PCDH9: variants seen among roughly 807,000 people sequenced by gnomAD.
PCDH9 encodes the protein protocadherin 9, also known as protocadherin-9.
A neutral mutation model predicts 70.6 loss-of-function variants in PCDH9; 24 were observed. The ratio of observed to expected loss-of-function variants is 0.34; its 90% CI spans 0.25 to 0.48. The LOEUF (loss-of-function observed/expected upper bound fraction) is 0.48. PCDH9 is among the 20% of genes least tolerant of loss of function. The pLI is 0.99. For missense variants in PCDH9, 1,281 were observed against 1,503.6 expected, an observed-to-expected ratio of 0.85 and a Z score of 2.45; for synonymous variants, 562 against 558.5, an observed-to-expected ratio of 1.01 and a Z score of -0.09.
At chr13:66,820,570 T>G (rs561554156) in intron 3 of PCDH9, among the ~76,000 whole-genome samples, 41 of 152,330 alleles carry the variant, frequency 2.7e-4, no homozygotes, top group African/African-American at 7.2e-4. Flanking sequence ...GCAGCACTAT[T>G]CACAATAGCA....
At chr13:66,312,112 A>T (rs1413938964) in intron 4 of PCDH9, among the ~76,000 whole-genome samples, 1 of 152,212 alleles carries the variant, frequency 6.6e-6, no homozygotes, top group East Asian at 1.9e-4. Context: ...TAGTAGAATG[A>T]TGAATTGGTA....
At chr13:66,575,418 A>G (rs2076800410) in intron 4 of PCDH9, among the ~76,000 whole-genome samples, 1 of 151,986 alleles carries the variant, frequency 6.6e-6, no homozygotes, top group South Asian at 2.1e-4. Context: ...TCCTCCTCAC[A>G]TCTAGTCCCA....
At chr13:67,042,143 T>A (rs185098499) in intron 2 of PCDH9, among the ~76,000 whole-genome samples, 3 of 152,120 alleles carry the variant, frequency 2.0e-5, no homozygotes, top group African/African-American at 2.4e-5. Flanking sequence ...GCATGGGGCT[T>A]GTAGCGTGAA....
chr13:66,971,769 T>A (rs2083526901), intron 2 of PCDH9, among the ~76,000 whole-genome samples: 1 of 151,930 alleles, frequency 6.6e-6, no homozygotes, highest in Non-Finnish European at 1.5e-5. Flanking sequence ...GAAAGTCTTG[T>A]CAAATAATAT....
intron 2 of PCDH9, among the ~76,000 whole-genome samples, chr13:67,059,821 C>G (rs1156430552): frequency 6.6e-6 from 1 of 151,772 alleles, no homozygotes; most frequent in East Asian, 1.9e-4. Context: ...ACTGCCTTAA[C>G]GGCATCCATA....
intron 4 of PCDH9, among the ~76,000 whole-genome samples, chr13:66,589,426 T>A (rs958124869): frequency 6.6e-6 from 1 of 152,152 alleles, no homozygotes; most frequent in African/African-American, 2.4e-5. Context: ...CTGATCATTC[T>A]ATTTTATATG....
At chr13:66,622,280 C>T (rs552355971) in intron 4 of PCDH9, among the ~76,000 whole-genome samples, 2 of 152,310 alleles carry the variant, frequency 1.3e-5, no homozygotes, top group South Asian at 4.1e-4. Flanking sequence ...CGAGTGCAGC[C>T]CCCTGCTCCA....
chr13:67,073,378 A>G (rs17587572), intron 2 of PCDH9, among the ~76,000 whole-genome samples: 15,485 of 152,114 alleles, frequency 0.1, 857 homozygotes, highest in Non-Finnish European at 0.12. Flanking sequence ...AACATTCCAA[A>G]ATTCATCAGA....
intron 3 of PCDH9, among the ~76,000 whole-genome samples, chr13:66,682,426 A>G (rs573184169): frequency 6.6e-6 from 1 of 151,924 alleles, no homozygotes; most frequent in Admixed American, 6.6e-5. Context: ...CTTTTTATTT[A>G]GTGAGAAGGA....
chr13:67,177,768 C>A lies in PCDH9; in HGVS notation c.3036+47637G>T, dbSNP rs530943382. Among the ~76,000 whole-genome samples, 20 of 152,226 alleles carry A rather than the reference C, an allele frequency of 1.3e-4. No individual in the cohort carries two copies. The East Asian group carries it at 2.5e-3, about 19-fold the overall frequency. The stretch of plus-strand genomic sequence containing the variant: ...TGTTTTCAGACAGTAAAACATACTA[C>A]TTTGCTAACACTGGACCTTTCAACT... On this transcript the variant is annotated intron_variant, in intron 2 of 4. Coordinates refer to ENST00000377865, the MANE Select transcript of PCDH9 (RefSeq NM_203487.3).
intron 2 of PCDH9, among the ~76,000 whole-genome samples, chr13:67,069,857 A>C (rs9540988): frequency 0.1 from 15,321 of 152,092 alleles, 841 homozygotes; most frequent in Non-Finnish European, 0.12. Flanking sequence ...TGGGATTGTC[A>C]AATGTTGGGT....
chr13:66,603,123 G>A (rs2077182718), intron 4 of PCDH9, among the ~76,000 whole-genome samples: 1 of 145,578 alleles, frequency 6.9e-6, no homozygotes, highest in Admixed American at 6.9e-5. Flanking sequence ...ACTATACTCT[G>A]GAGCATATTC....
intron 3 of PCDH9, among the ~76,000 whole-genome samples, chr13:66,654,548 G>A (rs1239356679): frequency 1.3e-5 from 2 of 152,082 alleles, no homozygotes; most frequent in East Asian, 3.8e-4. Flanking sequence ...TGATTATTAA[G>A]CATTGTATAC....
chr13:66,502,009 T>A (rs1279406968), intron 4 of PCDH9, among the ~76,000 whole-genome samples: 2 of 152,116 alleles, frequency 1.3e-5, no homozygotes, highest in Admixed American at 1.3e-4. Context: ...GAAGGCTTAG[T>A]TTAACAAAGG....
chr13:66,583,593 GAC>G (rs980664384), intron 4 of PCDH9, among the ~76,000 whole-genome samples: 12 of 151,198 alleles, frequency 7.9e-5, no homozygotes, highest in African/African-American at 2.7e-4. Context: ...CAGTCTGGGT[GAC>G]AGAGTGAGAC....
intron 2 of PCDH9, among the ~76,000 whole-genome samples, chr13:67,129,626 CAT>C (rs35197711): frequency 0.2 from 30,353 of 151,012 alleles, 3,237 homozygotes; most frequent in Middle Eastern, 0.26. Flanking sequence ...TATAAATATA[CAT>C]ATATATATAT....
At chr13:66,375,865 T>C (rs1956737227) in intron 4 of PCDH9, among the ~76,000 whole-genome samples, 1 of 151,932 alleles carries the variant, frequency 6.6e-6, no homozygotes, top group South Asian at 2.1e-4. Context: ...TCCATTAGGG[T>C]CAAAGTGCTT....
In PCDH9 at chr13:66,889,859, C is replaced by T. The variant is rs185394495; in HGVS notation, c.3138+13645G>A. Among the ~76,000 whole-genome samples, 49 of 151,774 alleles carry T rather than the reference C, an allele frequency of 3.2e-4. 1 individual carries two copies. In the East Asian group the frequency reaches 5.4e-3, roughly 17 times the overall value. On this transcript the variant is annotated intron_variant, in intron 3 of 4. Transcript: ENST00000377865. ...CCTGACTATGTACATCGCTTTTTGG[C>T]GAAAAAATAGGACAATTCCTTCAAT... is the stretch of plus-strand genomic sequence containing the variant.
At chr13:66,932,967 GAT>G (rs1393727095) in intron 2 of PCDH9, among the ~76,000 whole-genome samples, 1 of 151,312 alleles carries the variant, frequency 6.6e-6, no homozygotes, top group Non-Finnish European at 1.5e-5. Context: ...ATATAGTTAA[GAT>G]AATTAAATTT....
Sources: gnomAD v4.1 joint callset for allele counts (sites outside exome capture counted in the v4.1 genomes callset) on GRCh38, gnomAD v4.1.1 for gene constraint, MANE v1.5 for transcripts, NCBI Gene and HGNC (gene_info 2026-07-23, HGNC 2026-07-21) for gene names.